The following ADCY8 variants were observed in gnomAD, a reference collection of about 807,000 sequenced individuals.
ADCY8 encodes the protein adenylate cyclase 8.
Under a neutral mutation model 119.7 loss-of-function variants are expected in ADCY8, and 51 were observed. The ratio of observed to expected loss-of-function variants is 0.43; its 90% CI spans 0.34 to 0.54. The LOEUF (loss-of-function observed/expected upper bound fraction) is 0.54, where lower values mean the gene tolerates loss of function less well. ADCY8 is among the 20% of genes least tolerant of loss of function. The pLI is 0.03. For synonymous variants in ADCY8, 665 were observed against 651.0 expected (o/e 1.02, Z -0.33); for missense variants, 1,383 against 1,598.8 (o/e 0.87, Z 2.30).
rs11997802 is a variant in ADCY8, at chr8:130,847,378, T to C, written c.2502+46A>G. 6.0e-3 allele frequency: 8,468 copies of C among 1,400,284 alleles called. 282 individuals are homozygous for C. In the African/African-American group the frequency reaches 0.089, roughly 15 times the overall value. 86.7% of individuals were successfully genotyped at this position (1,400,284 alleles called of 1,614,324 possible). A position where few individuals can be genotyped will look rare whatever the true frequency, so the allele number is the denominator to read the frequency against. ...CTTGTTTATTTGGAGCTGGTAGAGA[T>C]ATATCTATGTCCAACTCTCACCAAG... On this transcript the variant is annotated intron_variant, in intron 11 of 17. Coordinates refer to ENST00000286355, the MANE Select transcript of ADCY8 (RefSeq NM_001115.3).
At chr8:130,903,654 T>G (rs1819680616) in intron 7 of ADCY8, 118 bp downstream of exon 7, 1 of 1,158,068 alleles carries the variant, frequency 8.6e-7, no homozygotes, top group Admixed American at 2.3e-5. Context: ...TCATTTGCAA[T>G]TATGGTGTTC....
chr8:131,038,727 T>C (rs1265101240), intron 1 of ADCY8, among the ~76,000 whole-genome samples: 1 of 152,218 alleles, frequency 6.6e-6, no homozygotes, highest in Non-Finnish European at 1.5e-5. Flanking sequence ...GGTTGGTTTA[T>C]TCAAAGCACT....
intron 8 of ADCY8, among the ~76,000 whole-genome samples, chr8:130,876,298 G>C (rs1048431359): frequency 1.3e-5 from 2 of 152,022 alleles, no homozygotes; most frequent in African/African-American, 4.8e-5. Flanking sequence ...TGATCCACCC[G>C]CCTCATTCTC....
chr8:130,900,945 C>A (rs139849503), intron 7 of ADCY8, among the ~76,000 whole-genome samples: 1,672 of 152,298 alleles, frequency 0.011, 21 homozygotes, highest in African/African-American at 0.038. Flanking sequence ...CCTAGTCTTC[C>A]TCACACAATC....
Position 131,037,031 on chromosome 8 carries a change from A to C in ADCY8, c.960+2343T>G, listed in dbSNP as rs570225417. 8.5e-5 allele frequency among the ~76,000 whole-genome samples: 13 copies of C among 152,314 alleles called. No homozygotes were observed. The East Asian group carries it at 2.1e-3, about 25-fold the overall frequency. ...TCAAAAATCACAGATTCTTATAAAA[A>C]GCGATTTATTCTCTACTTCGTCCAT... On this transcript the variant is annotated intron_variant, in intron 1 of 17. Transcript: ENST00000286355.
At chr8:130,918,231 G>A (rs144635654) in intron 5 of ADCY8, among the ~76,000 whole-genome samples, 2 of 152,272 alleles carry the variant, frequency 1.3e-5, no homozygotes, top group African/African-American at 4.8e-5. Flanking sequence ...CTGAGATTAC[G>A]GTGCTAGCAG....
At chr8:130,997,563 G>A (rs549650868) in intron 1 of ADCY8, among the ~76,000 whole-genome samples, 4 of 152,182 alleles carry the variant, frequency 2.6e-5, no homozygotes, top group East Asian at 1.9e-4. Flanking sequence ...TGGAACCAAT[G>A]AGAAAAAAAC....
At chr8:130,996,631 C>T (rs1237674874) in intron 1 of ADCY8, among the ~76,000 whole-genome samples, 1 of 151,802 alleles carries the variant, frequency 6.6e-6, no homozygotes, top group East Asian at 1.9e-4. Context: ...TGGTCAACTA[C>T]AGGGGAAAAA....
chr8:130,960,195 A>G (rs1197926108), intron 2 of ADCY8, among the ~76,000 whole-genome samples: 1 of 152,078 alleles, frequency 6.6e-6, no homozygotes, highest in Non-Finnish European at 1.5e-5. Context: ...AGGGGTATCA[A>G]GAGGACTCCT....
intron 2 of ADCY8, among the ~76,000 whole-genome samples, chr8:130,972,525 A>C (rs1821953362): frequency 6.6e-6 from 1 of 152,226 alleles, no homozygotes; most frequent in Admixed American, 6.5e-5. Context: ...AACATTTAAA[A>C]AACTTAAAAA....
chr8:130,984,529 G>A (rs1822339264), intron 2 of ADCY8, among the ~76,000 whole-genome samples: 3 of 151,768 alleles, frequency 2.0e-5, no homozygotes, highest in Admixed American at 2.0e-4. Flanking sequence ...GGAGAAAAGG[G>A]AAATAGATTT....
intron 15 of ADCY8, among the ~76,000 whole-genome samples, chr8:130,794,307 C>A (rs1421762298): frequency 6.6e-6 from 1 of 152,136 alleles, no homozygotes; most frequent in Admixed American, 6.5e-5. Flanking sequence ...TGCAGTGGTG[C>A]GATCTCGGCT....
intron 12 of ADCY8, among the ~76,000 whole-genome samples, chr8:130,835,533 G>A (rs1349005605): frequency 6.6e-6 from 1 of 152,086 alleles, no homozygotes; most frequent in Admixed American, 6.5e-5. Context: ...CTGCCTTGGG[G>A]TTTCATTAGC....
At chr8:131,005,433 C>T (rs925695954) in intron 1 of ADCY8, among the ~76,000 whole-genome samples, 3 of 152,186 alleles carry the variant, frequency 2.0e-5, no homozygotes, top group African/African-American at 7.2e-5. Flanking sequence ...CCTCTCCTGA[C>T]TCTTATTTCT....
intron 9 of ADCY8, among the ~76,000 whole-genome samples, 197 bp from the exon 10 acceptor site, chr8:130,850,000 CTT>C (rs1817466084): frequency 6.6e-6 from 1 of 152,096 alleles, no homozygotes; most frequent in Admixed American, 6.6e-5. Context: ...TATTGAGAAA[CTT>C]TGCAAAAAAA....
At chr8:130,815,250 A>G (rs1816300974) in intron 13 of ADCY8, among the ~76,000 whole-genome samples, 1 of 152,224 alleles carries the variant, frequency 6.6e-6, no homozygotes, top group South Asian at 2.1e-4. Context: ...CTCCAGAACC[A>G]TGAGAAGATA....
intron 2 of ADCY8, among the ~76,000 whole-genome samples, chr8:130,972,602 G>T (rs1467399675): frequency 1.3e-5 from 2 of 152,094 alleles, no homozygotes; most frequent in Non-Finnish European, 2.9e-5. Context: ...AATGATCAAG[G>T]CAACCAAAGT....
chr8:130,836,850 C>T (rs1817005130), intron 11 of ADCY8, among the ~76,000 whole-genome samples: 1 of 152,168 alleles, frequency 6.6e-6, no homozygotes, highest in African/African-American at 2.4e-5. Context: ...TCTCCCACCT[C>T]AGCTTCCCCA....
chr8:130,886,981 C>CT (rs1819009592), intron 7 of ADCY8, among the ~76,000 whole-genome samples: 4 of 116,922 alleles, frequency 3.4e-5, no homozygotes, highest in Non-Finnish European at 6.0e-5. Flanking sequence ...GAAGAAAGGG[C>CT]GTTTTTTTTT....
Sources: allele counts gnomAD v4.1 joint callset (sites outside exome capture counted in the v4.1 genomes callset), GRCh38; gene constraint gnomAD v4.1.1; transcripts MANE v1.5; gene names NCBI Gene and HGNC (gene_info 2026-07-23, HGNC 2026-07-21).